TCERG1L: variants seen among roughly 807,000 people sequenced by gnomAD.
TCERG1L encodes the protein transcription elongation regulator 1 like.
In TCERG1L, 37 loss-of-function variants were observed where a neutral mutation model predicts 56.3. The ratio of observed to expected loss-of-function variants is 0.66; its 90% CI spans 0.51 to 0.87. The LOEUF (loss-of-function observed/expected upper bound fraction) is 0.87. Among genes scored for constraint, TCERG1L ranks in the 40% least tolerant of loss-of-function variants. TCERG1L has a pLI of 0.00. For synonymous variants in TCERG1L, 324 were observed against 326.3 expected (o/e 0.99, Z 0.08); for missense variants, 799 against 774.2 (o/e 1.03, Z -0.38).
chr10:131,147,403 G>A (rs975239297), intron 6 of TCERG1L, among the ~76,000 whole-genome samples: 5 of 152,210 alleles, frequency 3.3e-5, no homozygotes, highest in African/African-American at 1.2e-4. Context: ...GGAGCCTGCG[G>A]CATGGAGGTG....
intron 8 of TCERG1L, among the ~76,000 whole-genome samples, chr10:131,133,466 G>A (rs1489563712): frequency 1.3e-5 from 2 of 152,142 alleles, no homozygotes; most frequent in East Asian, 1.9e-4. Flanking sequence ...CGCACCTGTG[G>A]GCTGTGGCAG....
intron 6 of TCERG1L, among the ~76,000 whole-genome samples, chr10:131,157,282 C>A (rs1260570101): frequency 6.6e-6 from 1 of 152,164 alleles, no homozygotes; most frequent in Non-Finnish European, 1.5e-5. Context: ...AAAACCTGCA[C>A]TGTAGCAATC....
At position 131,260,503 on chromosome 10, in the gene TCERG1L, T is replaced by C; in HGVS notation, c.671-59A>G. On this transcript the variant is annotated intron_variant, in intron 3 of 11. Coordinates refer to ENST00000368642, the MANE Select transcript of TCERG1L (RefSeq NM_174937.4). This position sits in a 1 kb window ranked among gnomAD's most constrained non-coding sequence, Gnocchi z 5.8. ...GACGACCAGGGCCATGGGTGACAGA[T>C]GCCCATCTCGCTACCGCAAGATATC... 1 of 1,329,532 alleles carries C rather than the reference T, an allele frequency of 7.5e-7. No individual in the cohort carries two copies. Among genetic ancestry groups the C allele is most frequent in the East Asian group, 3.1e-5 (1 of 31,862 alleles). The allele number at this position is 1,329,532 out of a possible 1,614,324, so 82.4% of individuals were successfully genotyped here.
intron 4 of TCERG1L, among the ~76,000 whole-genome samples, chr10:131,201,167 G>A (rs535945235): frequency 6.6e-6 from 1 of 152,328 alleles, no homozygotes; most frequent in South Asian, 2.1e-4. Context: ...GAATTCCTGA[G>A]AGTCAGGCCC....
chr10:131,264,514 T>C (rs950368862), intron 3 of TCERG1L, among the ~76,000 whole-genome samples: 21 of 152,168 alleles, frequency 1.4e-4, no homozygotes, highest in African/African-American at 4.8e-4. Flanking sequence ...ACTTTGGGCC[T>C]GACCTGAAGG....
At chr10:131,276,731 T>G (rs1846397612) in intron 3 of TCERG1L, among the ~76,000 whole-genome samples, 1 of 152,164 alleles carries the variant, frequency 6.6e-6, no homozygotes, top group South Asian at 2.1e-4. Flanking sequence ...CCTGCCAGGG[T>G]GGGTTCTGTT....
intron 4 of TCERG1L, among the ~76,000 whole-genome samples, chr10:131,249,651 G>A (rs909618806): frequency 6.6e-6 from 1 of 152,136 alleles, no homozygotes; most frequent in African/African-American, 2.4e-5. Flanking sequence ...TTCTACTTGT[G>A]CAAACTTTCA....
Position 131,277,449 on chromosome 10 carries a change from T to G in TCERG1L, c.671-17005A>C, listed in dbSNP as rs539753365. Reference sequence around the variant, plus strand: ...GGCCTGCGCCGGGGAGATAGTGGCCTGGCCTAGACATGAGCCACAAGAGAG... The same window carrying G: ...GGCCTGCGCCGGGGAGATAGTGGCCGGGCCTAGACATGAGCCACAAGAGAG... On this transcript the variant is annotated intron_variant, in intron 3 of 11. Coordinates refer to ENST00000368642, the MANE Select transcript of TCERG1L (RefSeq NM_174937.4). 2.6e-5 allele frequency among the ~76,000 whole-genome samples: 4 copies of G among 152,294 alleles called. No individual in the cohort carries two copies. The East Asian group carries it at 7.7e-4, about 29-fold the overall frequency.
intron 4 of TCERG1L, among the ~76,000 whole-genome samples, chr10:131,250,158 C>T (rs988384462): frequency 3.3e-5 from 5 of 152,156 alleles, no homozygotes; most frequent in Non-Finnish European, 1.5e-5. Flanking sequence ...GAGCCCACCT[C>T]GCTCCCCTGC....
chr10:131,204,964 G>C, intron 4 of TCERG1L, among the ~76,000 whole-genome samples: 2 of 152,258 alleles, frequency 1.3e-5, no homozygotes, highest in Middle Eastern at 3.4e-3. Context: ...CTCTGCAGCT[G>C]GATCTGGTCT....
chr10:131,139,354 T>C (rs745585431), intron 7 of TCERG1L, among the ~76,000 whole-genome samples: 1 of 152,208 alleles, frequency 6.6e-6, no homozygotes, highest in African/African-American at 2.4e-5. Flanking sequence ...GACCCAGATG[T>C]CCATCCAAGA....
intron 4 of TCERG1L, among the ~76,000 whole-genome samples, chr10:131,174,110 T>C (rs4751338): frequency 0.18 from 27,246 of 152,096 alleles, 3,113 homozygotes; most frequent in Middle Eastern, 0.27. Context: ...CACCACAGGA[T>C]GTACAGGTGG....
At chr10:131,134,998 TC>T (rs1472246267) in intron 7 of TCERG1L, among the ~76,000 whole-genome samples, 2 of 152,210 alleles carry the variant, frequency 1.3e-5, no homozygotes, top group African/African-American at 2.4e-5. Flanking sequence ...GAAGACATGA[TC>T]CCTTATTTCC....
At chr10:131,159,128 G>A (rs1166882127) in intron 6 of TCERG1L, among the ~76,000 whole-genome samples, 1 of 152,202 alleles carries the variant, frequency 6.6e-6, no homozygotes, top group African/African-American at 2.4e-5. Flanking sequence ...TGGGGGCCTC[G>A]GCAGGAAAAG....
intron 7 of TCERG1L, among the ~76,000 whole-genome samples, chr10:131,141,573 A>G (rs1284530249): frequency 6.6e-6 from 1 of 151,940 alleles, no homozygotes; most frequent in Non-Finnish European, 1.5e-5. Context: ...ATTGGTTCAG[A>G]AGAAAAGGAA....
intron 3 of TCERG1L, among the ~76,000 whole-genome samples, chr10:131,297,138 T>C (rs1007202693): frequency 6.6e-6 from 1 of 152,220 alleles, no homozygotes; most frequent in African/African-American, 2.4e-5. Context: ...TTGTTTTTCA[T>C]CTTAGAGGGA....
At chr10:131,299,496 ATATATCTTTCGAAG>A (rs1564836757) in intron 3 of TCERG1L, among the ~76,000 whole-genome samples, 1 of 149,814 alleles carries the variant, frequency 6.7e-6, no homozygotes, top group African/African-American at 2.5e-5. Context: ...TCTTTTGAAG[ATATATCTTTCGAAG>A]ATATATCTTT....
chr10:131,238,992 AAACTCCGAG>A lies in TCERG1L; in HGVS notation c.856+21258_856+21266del, dbSNP rs568410372. Among the ~76,000 whole-genome samples, 42 of 152,278 alleles carry A rather than the reference AAACTCCGAG, an allele frequency of 2.8e-4. No individual in the cohort carries two copies. In the South Asian group the frequency reaches 8.7e-3, roughly 32 times the overall value. On this transcript the variant is annotated intron_variant, in intron 4 of 11. Transcript: ENST00000368642. ...CTGCCTCCCTGCCTGACATGGACTT[AAACTCCGAG>A]AACATAAAAGCCAAAGCCCCAAGTA...
chr10:131,191,864 CAA>C (rs59816491), intron 4 of TCERG1L, among the ~76,000 whole-genome samples: 70 of 28,722 alleles, frequency 2.4e-3, no homozygotes, highest in Middle Eastern at 0.029. Flanking sequence ...GACTCCGTCT[CAA>C]AAAAAAAAAA....
Sources: gnomAD v4.1 joint callset for allele counts (sites outside exome capture counted in the v4.1 genomes callset) on GRCh38, gnomAD v4.1.1 for gene constraint, Gnocchi (gnomAD v3.1) non-coding constraint, MANE v1.5 for transcripts, NCBI Gene and HGNC (gene_info 2026-07-23, HGNC 2026-07-21) for gene names.